JPH2: variants seen among roughly 807,000 people sequenced by gnomAD.
The protein encoded by JPH2 is junctophilin-2.
Under a neutral mutation model 55.9 loss-of-function variants are expected in JPH2, and 38 were observed. The observed-to-expected ratio is 0.68, with a 90% CI of 0.52 to 0.89. The LOEUF (loss-of-function observed/expected upper bound fraction) is 0.89, where lower values mean the gene tolerates loss of function less well. Ranked by LOEUF, JPH2 falls within the 40% of genes least tolerant of loss-of-function variation. JPH2 has a pLI of 0.00. For missense variants in JPH2, 964 were observed against 1,037.6 expected, an observed-to-expected ratio of 0.93 and a Z score of 0.97; for synonymous variants, 480 against 472.4, an observed-to-expected ratio of 1.02 and a Z score of -0.21.
chr20:44,131,758 T>C (rs1196185167), intron 2 of JPH2, among the ~76,000 whole-genome samples: 9 of 152,234 alleles, frequency 5.9e-5, no homozygotes, highest in Admixed American at 6.5e-5. Flanking sequence ...CATATTTTTG[T>C]GCTAGTGATT....
At position 44,115,817 on chromosome 20, in the gene JPH2, CG is replaced by C; in HGVS notation, c.1857del (p.Ala620ProfsTer26). 1 of 1,603,074 alleles carries C rather than the reference CG, an allele frequency of 6.2e-7. No homozygotes were observed. On this transcript the variant is annotated frameshift_variant, in exon 4 of 6. Coordinates refer to ENST00000372980, the MANE Select transcript of JPH2 (RefSeq NM_020433.5). LOFTEE classifies it high-confidence loss of function. ...LRGPEPARET[P>X]AKLEPKPIIP... ...ATGATGGGCTTGGGCTCCAGCTTGG[CG>C]GGGGTCTCGCGTGCAGGCTCGGGGC...
At chr20:44,172,538 G>A (rs1210668783) in intron 1 of JPH2, among the ~76,000 whole-genome samples, 1 of 152,166 alleles carries the variant, frequency 6.6e-6, no homozygotes, top group African/African-American at 2.4e-5. Context: ...TGTAATCCAA[G>A]CTGGAGTGCA....
At chr20:44,169,516 A>T (rs559734145) in intron 1 of JPH2, among the ~76,000 whole-genome samples, 1 of 152,270 alleles carries the variant, frequency 6.6e-6, no homozygotes, top group South Asian at 2.1e-4. Context: ...ATTGACTAAG[A>T]CACCAAGGAA....
chr20:44,116,484 C>T (rs952574922), intron 3 of JPH2, 98 bp from the exon 4 acceptor site: 6 of 1,396,726 alleles, frequency 4.3e-6, no homozygotes, highest in Non-Finnish European at 5.9e-6. Flanking sequence ...TTCATGGGCT[C>T]AGTCGGCACT....
At chr20:44,120,389 T>C (rs2072226982) in intron 2 of JPH2, among the ~76,000 whole-genome samples, 1 of 152,186 alleles carries the variant, frequency 6.6e-6, no homozygotes, top group African/African-American at 2.4e-5. Context: ...TCAGCTTAGC[T>C]TAACTCACAG....
At position 44,112,020 on chromosome 20, in the gene JPH2, G is replaced by A. The variant is rs2072149778; in HGVS notation, c.*1498C>T. 6.6e-6 allele frequency: 1 copy of A among 152,290 alleles called. No individual in the cohort carries two copies. Among genetic ancestry groups the A allele is most frequent in the Non-Finnish European group, 1.5e-5 (1 of 68,124 alleles). 9.4% of individuals were successfully genotyped at this position (152,290 alleles called of 1,614,324 possible). On this transcript the variant is annotated 3_prime_UTR_variant, in exon 6 of 6. Coordinates refer to ENST00000372980, the MANE Select transcript of JPH2 (RefSeq NM_020433.5). ...TCTTCTCCATGAAAATACAGTCCTG[G>A]ATTCCAGCCAAGCCACAAGGTCCCA...
Position 44,166,903 on chromosome 20 carries a change from C to T in JPH2, c.380-6496G>A, listed in dbSNP as rs977104607. On this transcript the variant is annotated intron_variant, in intron 1 of 5. Transcript: ENST00000372980. ...GGGCTTCCCACTGTCCCAAAGGAAA[C>T]GGGGGAGATCCCCAACAGCCCACAA... is the stretch of plus-strand genomic sequence containing the variant. 6.6e-5 allele frequency among the ~76,000 whole-genome samples: 10 copies of T among 152,270 alleles called. No homozygotes were observed. The South Asian group carries it at 1.0e-3, about 16-fold the overall frequency.
intron 3 of JPH2, among the ~76,000 whole-genome samples, chr20:44,117,597 T>C (rs2072202918): frequency 6.6e-6 from 1 of 152,230 alleles, no homozygotes; most frequent in Non-Finnish European, 1.5e-5. Flanking sequence ...ATTCATGGGC[T>C]CCACCTGAGA....
chr20:44,181,426 T>C (rs1280506095), intron 1 of JPH2, among the ~76,000 whole-genome samples: 1 of 152,224 alleles, frequency 6.6e-6, no homozygotes, highest in African/African-American at 2.4e-5. Flanking sequence ...TCTTATTCTC[T>C]GTGAAATACT....
intron 1 of JPH2, chr20:44,177,682 T>G (rs887148191): frequency 7.9e-7 from 1 of 1,269,244 alleles, no homozygotes; most frequent in Non-Finnish European, 1.0e-6. Context: ...TGGAATCATG[T>G]CTGGCATGGA....
intron 1 of JPH2, among the ~76,000 whole-genome samples, chr20:44,175,791 C>G (rs1419799881): frequency 6.6e-6 from 1 of 152,228 alleles, no homozygotes; most frequent in Non-Finnish European, 1.5e-5. Flanking sequence ...AGGCCCATTT[C>G]CAGGCCTTGG....
At position 44,115,775 on chromosome 20, in the gene JPH2, T is replaced by C; in HGVS notation, c.1900A>G (p.Arg634Gly). ...GCCTCAGTCTTGCGGGCCTTGGCCC[T>C]GGGCTCGGCTTTGGGGATGATGGGC... ...PKPIIPKAEPRAKARKTEARG... is the reference protein window; with the variant it reads ...PKPIIPKAEPGAKARKTEARG... Residue 634 changes from arginine to glycine, a missense_variant, in exon 4 of 6, where the codon AGG becomes GGG. By Grantham distance (125) the Arg-to-Gly change is moderately radical. Coordinates refer to ENST00000372980, the MANE Select transcript of JPH2 (RefSeq NM_020433.5). 6.2e-7 allele frequency: 1 copy of C among 1,611,464 alleles called. No homozygotes were observed. The highest frequency in any genetic ancestry group is 1.3e-5 in the African/African-American group (1 of 75,056).
At chr20:44,143,061 G>A (rs942335002) in intron 2 of JPH2, among the ~76,000 whole-genome samples, 1 of 152,178 alleles carries the variant, frequency 6.6e-6, no homozygotes, top group African/African-American at 2.4e-5. Flanking sequence ...CAGATGAAAA[G>A]AGCAGGTGTT....
chr20:44,181,439 G>T (rs2072782772), intron 1 of JPH2, among the ~76,000 whole-genome samples: 1 of 152,200 alleles, frequency 6.6e-6, no homozygotes, highest in Non-Finnish European at 1.5e-5. Flanking sequence ...GAAATACTCC[G>T]ATACTTTTCT....
intron 2 of JPH2, among the ~76,000 whole-genome samples, chr20:44,135,671 A>G (rs1216050089): frequency 6.6e-6 from 1 of 152,166 alleles, no homozygotes; most frequent in African/African-American, 2.4e-5. Flanking sequence ...TTATCTGAAA[A>G]TATTTAGGCT....
At chr20:44,165,541 A>G (rs1305278556) in intron 1 of JPH2, among the ~76,000 whole-genome samples, 3 of 152,136 alleles carry the variant, frequency 2.0e-5, no homozygotes, top group Non-Finnish European at 2.9e-5. Context: ...TTTTGTTCAC[A>G]TGTGTTAAGT....
At chr20:44,115,216 G>A (rs1030777133) in intron 4 of JPH2, among the ~76,000 whole-genome samples, 2 of 152,076 alleles carry the variant, frequency 1.3e-5, no homozygotes, top group Non-Finnish European at 2.9e-5. Flanking sequence ...TGTTGCCGCC[G>A]TTCCTAGCTC....
chr20:44,154,867 T>A (rs2072553694), intron 2 of JPH2, among the ~76,000 whole-genome samples: 1 of 152,092 alleles, frequency 6.6e-6, no homozygotes, highest in African/African-American at 2.4e-5. Flanking sequence ...CATGGCAACA[T>A]CTCCATGGGC....
At chr20:44,172,895 A>G (rs986462920) in intron 1 of JPH2, among the ~76,000 whole-genome samples, 8 of 152,214 alleles carry the variant, frequency 5.3e-5, no homozygotes, top group African/African-American at 1.9e-4. Flanking sequence ...AATCCTGAGA[A>G]GGTCACAGCT....
Sources: gnomAD v4.1 joint callset for allele counts (sites outside exome capture counted in the v4.1 genomes callset) on GRCh38, gnomAD v4.1.1 for gene constraint, MANE v1.5 for transcripts, NCBI Gene and HGNC (gene_info 2026-07-23, HGNC 2026-07-21) for gene names.